Variants in CTNNA3 observed in about 807,000 individuals in gnomAD.
CTNNA3 encodes the protein catenin alpha 3.
In CTNNA3, 76 loss-of-function variants were observed where a neutral mutation model predicts 95.7. That is an observed-to-expected ratio of 0.79 (90% CI 0.66 to 0.96). The LOEUF is 0.96. Ranked by LOEUF, CTNNA3 falls within the 40% of genes least tolerant of loss-of-function variation. The probability of loss-of-function intolerance (pLI) is 0.00; values close to 1 mark genes in which losing one functional copy is unlikely to be tolerated. For missense variants in CTNNA3, 1,191 were observed against 1,089.8 expected (o/e 1.09, Z -1.31); for synonymous variants, 431 against 374.4 (o/e 1.15, Z -1.74).
At chr10:66,835,666 T>G (rs1842862611) in intron 7 of CTNNA3, among the ~76,000 whole-genome samples, 1 of 152,216 alleles carries the variant, frequency 6.6e-6, no homozygotes, top group Admixed American at 6.5e-5. Flanking sequence ...GTGGAGGAAG[T>G]ATCTCTGAAA....
chr10:67,342,099 CTTTT>C (rs764381058), intron 5 of CTNNA3, among the ~76,000 whole-genome samples: 14 of 83,682 alleles, frequency 1.7e-4, no homozygotes, highest in Admixed American at 9.2e-4. Context: ...TATTTTTCTT[CTTTT>C]TTTTTTTTTT....
chr10:66,556,959 A>G (rs562472789), intron 10 of CTNNA3, among the ~76,000 whole-genome samples: 79 of 152,214 alleles, frequency 5.2e-4, no homozygotes, highest in African/African-American at 1.8e-3. Flanking sequence ...ATGTATATCA[A>G]AATATCATGC....
At chr10:66,117,416 TG>T (rs2082387762) in intron 13 of CTNNA3, among the ~76,000 whole-genome samples, 1 of 152,154 alleles carries the variant, frequency 6.6e-6, no homozygotes, top group Admixed American at 6.6e-5. Flanking sequence ...GAAGTAGTAA[TG>T]CTACAAGATC....
rs1839470182 is a variant in CTNNA3, at chr10:67,283,332, A to G, written c.580-63462T>C. ...AGACAGATAACATCTGAAACTGGTA[A>G]TCAGCAGCTTCCCAATAAGATCTCA... On this transcript the variant is annotated intron_variant, in intron 5 of 17. Coordinates refer to ENST00000433211, the MANE Select transcript of CTNNA3 (RefSeq NM_013266.4). Among the ~76,000 whole-genome samples the G allele has an allele frequency of 2.6e-5, 4 of 152,204 alleles. No homozygotes were observed. The South Asian group carries it at 8.3e-4, about 32-fold the overall frequency.
At chr10:66,472,730 C>A (rs116487272) in intron 11 of CTNNA3, among the ~76,000 whole-genome samples, 2 of 151,938 alleles carry the variant, frequency 1.3e-5, no homozygotes, top group Non-Finnish European at 2.9e-5. Flanking sequence ...GAAATACTTA[C>A]ATGAAATAAT....
At chr10:66,231,310 A>T (rs547040278) in intron 13 of CTNNA3, among the ~76,000 whole-genome samples, 24 of 152,296 alleles carry the variant, frequency 1.6e-4, no homozygotes, top group African/African-American at 4.8e-4. Context: ...CATATATGAT[A>T]CTATATAACC....
At chr10:67,557,022 C>T (rs987613006) in intron 3 of CTNNA3, among the ~76,000 whole-genome samples, 3 of 152,182 alleles carry the variant, frequency 2.0e-5, no homozygotes, top group African/African-American at 7.2e-5. Flanking sequence ...ACCCAGTAGT[C>T]ATTCAGGAGC....
intron 11 of CTNNA3, among the ~76,000 whole-genome samples, chr10:66,434,100 T>C: frequency 6.6e-6 from 1 of 152,272 alleles, no homozygotes; most frequent in Admixed American, 6.5e-5. Context: ...TTGTTCTTTT[T>C]GCTTAGGATT....
At chr10:67,691,630 G>A (rs1840856307) in intron 1 of CTNNA3, among the ~76,000 whole-genome samples, 1 of 151,238 alleles carries the variant, frequency 6.6e-6, no homozygotes, top group African/African-American at 2.4e-5. Flanking sequence ...CGCCCCGTCT[G>A]AGAAGTGAGG....
chr10:66,928,278 G>A (rs143200118), intron 7 of CTNNA3: 7 of 1,614,054 alleles, frequency 4.3e-6, no homozygotes, highest in Non-Finnish European at 5.9e-6. Flanking sequence ...AGCTGCAGCA[G>A]CGCTCCCTCA....
chr10:66,809,349 A>T (rs750039008), intron 7 of CTNNA3, among the ~76,000 whole-genome samples: 67 of 152,324 alleles, frequency 4.4e-4, no homozygotes, highest in Middle Eastern at 6.8e-3. Flanking sequence ...AATAATTTTT[A>T]AAATATCGGT....
intron 9 of CTNNA3, among the ~76,000 whole-genome samples, chr10:66,715,793 C>T (rs927608666): frequency 6.6e-6 from 1 of 151,738 alleles, no homozygotes; most frequent in Non-Finnish European, 1.5e-5. Flanking sequence ...AATTATATTG[C>T]TATGGTCAAG....
chr10:67,189,153 A>C (rs891130552), intron 6 of CTNNA3, among the ~76,000 whole-genome samples: 46 of 151,840 alleles, frequency 3.0e-4, no homozygotes, highest in Admixed American at 2.4e-3. Flanking sequence ...AAAAAAAAAA[A>C]CAGAAAATTC....
intron 10 of CTNNA3, among the ~76,000 whole-genome samples, chr10:66,529,814 C>T (rs1841404133): frequency 6.6e-6 from 1 of 152,046 alleles, no homozygotes; most frequent in African/African-American, 2.4e-5. Context: ...ATAGAAGAAA[C>T]TCTAGATTGG....
intron 5 of CTNNA3, among the ~76,000 whole-genome samples, chr10:67,442,555 G>A (rs1416800289): frequency 2.0e-5 from 3 of 151,942 alleles, no homozygotes; most frequent in African/African-American, 7.3e-5. Context: ...CCCAAAAAAG[G>A]AGTAGCTATA....
At chr10:66,993,478 T>C (rs528106287) in intron 7 of CTNNA3, among the ~76,000 whole-genome samples, 1 of 152,268 alleles carries the variant, frequency 6.6e-6, no homozygotes, top group African/African-American at 2.4e-5. Flanking sequence ...AACAATCTAT[T>C]GCATTCTGGC....
chr10:66,538,590 G>A (rs1357332352), intron 10 of CTNNA3, among the ~76,000 whole-genome samples: 1 of 152,064 alleles, frequency 6.6e-6, no homozygotes, highest in African/African-American at 2.4e-5. Context: ...ATAGATACGT[G>A]ACTCTCCTGA....
intron 10 of CTNNA3, among the ~76,000 whole-genome samples, chr10:66,597,352 T>C (rs1213566209): frequency 6.6e-6 from 1 of 151,178 alleles, no homozygotes; most frequent in Admixed American, 6.6e-5. Flanking sequence ...CTGGGACACA[T>C]TATAATCATA....
intron 5 of CTNNA3, among the ~76,000 whole-genome samples, chr10:67,431,789 T>C (rs1808111517): frequency 6.6e-6 from 1 of 151,990 alleles, no homozygotes. Context: ...TGAACCCACA[T>C]GGCTTAAAAT....
Sources: gnomAD v4.1 joint callset for allele counts (sites outside exome capture counted in the v4.1 genomes callset) on GRCh38, gnomAD v4.1.1 for gene constraint, MANE v1.5 for transcripts, NCBI Gene and HGNC (gene_info 2026-07-23, HGNC 2026-07-21) for gene names.